CCDC38: variants seen among roughly 807,000 people sequenced by gnomAD.
CCDC38 encodes the protein coiled-coil domain containing 38, also known as coiled-coil domain-containing protein 38.
A neutral mutation model predicts 72.8 loss-of-function variants in CCDC38; 69 were observed. That is an observed-to-expected ratio of 0.95 (90% CI 0.78 to 1.16). CCDC38 has a LOEUF of 1.16. CCDC38 is among the 50% of genes most tolerant of loss of function. CCDC38 has a pLI of 0.00. For synonymous variants in CCDC38, 201 were observed against 213.2 expected, an observed-to-expected ratio of 0.94 and a Z score of 0.50; for missense variants, 626 against 638.9, an observed-to-expected ratio of 0.98 and a Z score of 0.22.
chr12:95,918,701 C>T (rs2080171811), intron 3 of CCDC38, among the ~76,000 whole-genome samples, 175 bp downstream of exon 3: 2 of 152,174 alleles, frequency 1.3e-5, no homozygotes, highest in Non-Finnish European at 2.9e-5. Context: ...TGCCTACTGT[C>T]AGCTGGATGT....
rs537133078 is a variant in CCDC38 at position 95,921,140 on chromosome 12, A to C, written c.38-2164T>G. Among the ~76,000 whole-genome samples, 37 of 150,826 alleles carry C rather than the reference A, an allele frequency of 2.5e-4. 1 individual carries two copies. The South Asian group carries it at 7.1e-3, about 29-fold the overall frequency. On this transcript the variant is annotated intron_variant, in intron 2 of 15. Transcript: ENST00000344280. The stretch of plus-strand genomic sequence containing the variant: ...TGAAACTCCATCTCAAAAAAAAAAA[A>C]GAAAAAGAAAAAGAAAAAGAAAAGT...
chr12:95,929,834 G>A (rs1055841486), intron 2 of CCDC38, among the ~76,000 whole-genome samples: 8 of 152,098 alleles, frequency 5.3e-5, no homozygotes, highest in Non-Finnish European at 1.2e-4. Flanking sequence ...TGAAATCAAG[G>A]TGATGGCAGA....
At chr12:95,919,259 G>C (rs1289077730) in intron 2 of CCDC38, among the ~76,000 whole-genome samples, 1 of 152,238 alleles carries the variant, frequency 6.6e-6, no homozygotes, top group Non-Finnish European at 1.5e-5. Flanking sequence ...GTGAAGTACA[G>C]AAATCTCAGG....
In CCDC38 at chr12:95,879,804, T is replaced by C. The variant is rs781428058; in HGVS notation, c.991-9A>G. 1 of 1,583,832 alleles carries C rather than the reference T, an allele frequency of 6.3e-7. No homozygotes were observed. Among genetic ancestry groups the C allele is most frequent in the Non-Finnish European group, 8.6e-7 (1 of 1,165,916 alleles). ...AAATAAAGTGCTGGCTCCTAATTAATCAATAATGAAGAATATAATTTACTT... is the reference window on the plus strand; with the variant it reads ...AAATAAAGTGCTGGCTCCTAATTAACCAATAATGAAGAATATAATTTACTT... On this transcript the variant is annotated splice_polypyrimidine_tract_variant and intron_variant, in intron 11 of 15. Transcript: ENST00000344280. This position sits in a 1 kb window ranked among gnomAD's most constrained non-coding sequence, Gnocchi z 5.5.
intron 15 of CCDC38, 75 bp from the exon 16 acceptor site, chr12:95,867,264 AAT>A (rs1240394633): frequency 3.9e-6 from 3 of 767,052 alleles, no homozygotes; most frequent in Non-Finnish European, 6.8e-6. Context: ...GTGAAATACC[AAT>A]ATTAACTTGA....
Position 95,872,244 on chromosome 12 carries a change from A to C in CCDC38, c.1484+11T>G. ...TACTCATTAAGTCATTCTTATCCTT[A>C]TTGACTGTACTTTTGCCGCCATTCT... On this transcript the variant is annotated intron_variant, in intron 14 of 15. Transcript: ENST00000344280. 1 of 1,613,362 alleles carries C rather than the reference A, an allele frequency of 6.2e-7. No homozygotes were observed. The highest frequency in any genetic ancestry group is 8.5e-7 in the Non-Finnish European group (1 of 1,179,378).
intron 2 of CCDC38, among the ~76,000 whole-genome samples, chr12:95,929,378 A>G (rs2080311411): frequency 6.6e-6 from 1 of 152,182 alleles, no homozygotes; most frequent in South Asian, 2.1e-4. Flanking sequence ...GAGTGAGGCA[A>G]TGCCTTGCCC....
At position 95,872,269 on chromosome 12, in the gene CCDC38, T is replaced by A; in HGVS notation, c.1470A>T (p.Lys490Asn). ...ATTGACTGTACTTTTGCCGCCATTC[T>A]TTCTGTTTCATCCTCTCAATTGCCT... Reference protein sequence around the residue: ...NVEAIERMKQKEWRQKFRDEK... With the variant: ...NVEAIERMKQNEWRQKFRDEK... Residue 490 changes from lysine to asparagine, a missense_variant, in exon 14 of 16, where the codon AAA becomes AAT. Transcript: ENST00000344280. The A allele has an allele frequency of 6.2e-7, 1 of 1,614,214 alleles. No homozygotes were observed. The highest frequency in any genetic ancestry group is 8.5e-7 in the Non-Finnish European group (1 of 1,180,028).
At chr12:95,875,288 C>A (rs189492402) in intron 13 of CCDC38, among the ~76,000 whole-genome samples, 1 of 152,026 alleles carries the variant, frequency 6.6e-6, no homozygotes, top group South Asian at 2.1e-4. Context: ...GGGTAGCACA[C>A]GGGTGTGTTT....
intron 11 of CCDC38, among the ~76,000 whole-genome samples, chr12:95,881,242 T>A (rs551320873): frequency 3.0e-4 from 45 of 148,808 alleles, no homozygotes; most frequent in Non-Finnish European, 4.5e-4. Flanking sequence ...ATATATATTT[T>A]TATATATATA....
At chr12:95,934,000 C>G (rs2080364858) in intron 2 of CCDC38, 1 of 151,824 alleles carries the variant, frequency 6.6e-6, no homozygotes, top group South Asian at 2.1e-4. Flanking sequence ...ATGGCAAGAC[C>G]TTGTCTATAA....
intron 5 of CCDC38, 123 bp from the exon 6 acceptor site, chr12:95,898,854 A>C: frequency 1.0e-6 from 1 of 954,874 alleles, no homozygotes; most frequent in Non-Finnish European, 1.5e-6. Flanking sequence ...TCTTGGAGCA[A>C]TGGACTTTAT....
At chr12:95,900,511 T>C (rs79004187) in intron 5 of CCDC38, among the ~76,000 whole-genome samples, 2,434 of 152,332 alleles carry the variant, frequency 0.016, 28 homozygotes, top group Middle Eastern at 0.031. Flanking sequence ...GTGTTATTGA[T>C]AAAGTTTATT....
chr12:95,908,642 GGGAGAGGGAGAGGGA>G (rs1489165618), intron 4 of CCDC38, among the ~76,000 whole-genome samples: 5 of 1,104 alleles, frequency 4.5e-3, no homozygotes, highest in Non-Finnish European at 8.6e-3. Context: ...AGGGAGGAGA[GGGAGAGGGAGAGGGA>G]GGAGAGGGAG....
At chr12:95,890,031 C>A (rs773370460) in intron 9 of CCDC38, among the ~76,000 whole-genome samples, 13 of 152,128 alleles carry the variant, frequency 8.5e-5, no homozygotes, top group Admixed American at 3.3e-4. Context: ...CCTACCTCAA[C>A]CTCCTCAGCA....
At chr12:95,903,247 C>T (rs1428574873) in intron 5 of CCDC38, among the ~76,000 whole-genome samples, 1 of 152,128 alleles carries the variant, frequency 6.6e-6, no homozygotes, top group East Asian at 1.9e-4. Flanking sequence ...ATTGACCTTG[C>T]TACAACCTTG....
At chr12:95,919,685 T>C (rs2080183314) in intron 2 of CCDC38, 1 of 453,048 alleles carries the variant, frequency 2.2e-6, no homozygotes, top group South Asian at 1.6e-5. Flanking sequence ...GATAAAATTT[T>C]GAGATATTAA....
chr12:95,892,011 C>T (rs1032876538), intron 8 of CCDC38, among the ~76,000 whole-genome samples: 2 of 151,996 alleles, frequency 1.3e-5, no homozygotes, highest in Middle Eastern at 3.4e-3. Context: ...GAAACTCTCT[C>T]TCCAGGTAGT....
intron 5 of CCDC38, chr12:95,903,955 A>G (rs2079975802): frequency 6.6e-6 from 1 of 152,274 alleles, no homozygotes; most frequent in African/African-American, 2.4e-5. Flanking sequence ...CAGTGTGTAT[A>G]AAATTAAATT....
Sources: allele counts gnomAD v4.1 joint callset (sites outside exome capture counted in the v4.1 genomes callset), GRCh38; gene constraint gnomAD v4.1.1; non-coding constraint Gnocchi (gnomAD v3.1); transcripts MANE v1.5; gene names NCBI Gene and HGNC (gene_info 2026-07-23, HGNC 2026-07-21).